The following RMDN2 variants were observed in gnomAD, a reference collection of about 807,000 sequenced individuals.
RMDN2 encodes the protein regulator of microtubule dynamics protein 2.
A neutral mutation model predicts 52.8 loss-of-function variants in RMDN2; 61 were observed. The observed-to-expected ratio is 1.16, with a 90% CI of 0.94 to 1.43. The LOEUF (loss-of-function observed/expected upper bound fraction) is 1.43. RMDN2 is among the 40% of genes most tolerant of loss of function. The pLI is 0.00. For synonymous variants in RMDN2, 180 were observed against 153.1 expected (o/e 1.18, Z -1.30); for missense variants, 592 against 475.3 (o/e 1.25, Z -2.28).
intron 2 of RMDN2, among the ~76,000 whole-genome samples, chr2:37,949,708 G>C (rs767099946): frequency 4.6e-5 from 7 of 152,074 alleles, no homozygotes; most frequent in Non-Finnish European, 8.8e-5. Flanking sequence ...GGGAGCAAAG[G>C]CTAGAGGCGG....
chr2:38,053,145 G>A (rs1204164346), intron 10 of RMDN2, among the ~76,000 whole-genome samples: 1 of 152,164 alleles, frequency 6.6e-6, no homozygotes, highest in Non-Finnish European at 1.5e-5. Flanking sequence ...AAGTAAGAGT[G>A]AGGGTGGTTG....
chr2:38,000,496 G>A (rs1295416913), intron 8 of RMDN2, among the ~76,000 whole-genome samples: 1 of 152,128 alleles, frequency 6.6e-6, no homozygotes, highest in Admixed American at 6.6e-5. Context: ...CCTCTTTGCT[G>A]TCAATTTCCC....
At chr2:37,935,246 G>C (rs1667187378) in intron 2 of RMDN2, among the ~76,000 whole-genome samples, 1 of 152,164 alleles carries the variant, frequency 6.6e-6, no homozygotes, top group Non-Finnish European at 1.5e-5. Flanking sequence ...AGATAATAGA[G>C]AATGATGATG....
intron 10 of RMDN2, among the ~76,000 whole-genome samples, chr2:38,043,730 A>G (rs1201340929): frequency 1.3e-5 from 2 of 152,118 alleles, no homozygotes; most frequent in Non-Finnish European, 2.9e-5. Flanking sequence ...CTTTCAAGTA[A>G]CACTGTATCA....
intron 6 of RMDN2, among the ~76,000 whole-genome samples, chr2:37,990,141 TGAAA>T (rs1350553270): frequency 2.7e-4 from 36 of 133,302 alleles, no homozygotes; most frequent in Admixed American, 3.7e-4. Context: ...AGACTCCGTC[TGAAA>T]AAAAAAAAAA....
chr2:37,984,241 A>G (rs988614174), intron 5 of RMDN2, among the ~76,000 whole-genome samples: 4 of 152,186 alleles, frequency 2.6e-5, no homozygotes, highest in African/African-American at 9.7e-5. Context: ...TTTTTGTTCT[A>G]CTGACAAAAA....
chr2:37,924,090 T>C (rs56043040), upstream of RMDN2, among the ~76,000 whole-genome samples: 27 of 152,284 alleles, frequency 1.8e-4, no homozygotes, highest in Non-Finnish European at 2.9e-4. Context: ...CAGGCTTACT[T>C]ATTCTTCAAT....
intron 5 of RMDN2, 37 bp downstream of exon 5, chr2:37,981,380 A>G (rs1436861369): frequency 7.6e-7 from 1 of 1,308,636 alleles, no homozygotes; most frequent in Admixed American, 1.8e-5. Context: ...TTTAAATTCT[A>G]ACCTGCCTCT....
chr2:38,026,342 A>G (rs545883514), intron 10 of RMDN2, among the ~76,000 whole-genome samples: 2 of 151,946 alleles, frequency 1.3e-5, no homozygotes, highest in South Asian at 2.1e-4. Context: ...TGTTTTCCCT[A>G]TTTCCTGTTT....
In RMDN2 at chr2:37,997,399, T is replaced by G. The variant is rs758218222; in HGVS notation, c.946-17T>G. The G allele has an allele frequency of 2.0e-6, 3 of 1,532,352 alleles. No homozygotes were observed. Among genetic ancestry groups the G allele is most frequent in the Non-Finnish European group, 2.7e-6 (3 of 1,110,314 alleles). 94.9% of individuals were successfully genotyped at this position (1,532,352 alleles called of 1,614,324 possible). On this transcript the variant is annotated splice_polypyrimidine_tract_variant and intron_variant, in intron 7 of 10. Coordinates refer to ENST00000354545, the MANE Select transcript of RMDN2 (RefSeq NM_001170791.3). The stretch of plus-strand genomic sequence containing the variant: ...GGTGAACAACTTTCTAAGAGTGATG[T>G]TGTTGTGTATTTGCAGGTCTCAAAA...
chr2:38,019,424 C>T (rs956734509), downstream of RMDN2, among the ~76,000 whole-genome samples: 3 of 152,152 alleles, frequency 2.0e-5, no homozygotes, highest in African/African-American at 7.2e-5. Context: ...AAGTTGATAT[C>T]CGTTGACTGG....
At chr2:37,981,148 T>G in intron 4 of RMDN2, 135 bp from the exon 5 acceptor site, 3 of 682,206 alleles carry the variant, frequency 4.4e-6, no homozygotes, top group South Asian at 3.1e-5. Context: ...GCTGAAAAGT[T>G]CTTAAACAAA....
At chr2:37,981,836 A>AC (rs1312937534) in intron 5 of RMDN2, among the ~76,000 whole-genome samples, 3 of 151,928 alleles carry the variant, frequency 2.0e-5, no homozygotes, top group Middle Eastern at 3.4e-3. Context: ...GCAAAAAAAA[A>AC]ATCATTCTTA....
intron 10 of RMDN2, among the ~76,000 whole-genome samples, chr2:38,006,373 T>C (rs1262044781): frequency 6.6e-6 from 1 of 152,230 alleles, no homozygotes; most frequent in Non-Finnish European, 1.5e-5. Context: ...TCCTCTTTTA[T>C]TTCATTGGAG....
intron 10 of RMDN2, among the ~76,000 whole-genome samples, chr2:38,049,955 T>C (rs1681488885): frequency 6.6e-6 from 1 of 152,226 alleles, no homozygotes; most frequent in African/African-American, 2.4e-5. Flanking sequence ...TATTGCTGCA[T>C]GCTTACTTTA....
At chr2:38,011,995 C>G (rs541165167) in intron 10 of RMDN2, among the ~76,000 whole-genome samples, 87 of 152,280 alleles carry the variant, frequency 5.7e-4, no homozygotes, top group African/African-American at 2.0e-3. Flanking sequence ...TGTCACTTCC[C>G]TGCTCAAAAC....
Position 37,984,481 on chromosome 2 carries a change from C to CATGA in RMDN2, c.791+3142_791+3145dup, listed in dbSNP as rs540528461. 3.9e-5 allele frequency among the ~76,000 whole-genome samples: 6 copies of CATGA among 152,230 alleles called. No homozygotes were observed. The South Asian group carries it at 1.2e-3, about 32-fold the overall frequency. On this transcript the variant is annotated intron_variant, in intron 5 of 10. Transcript: ENST00000354545. ...TACTGTGTGTATGTGTGCATGCACG[C>CATGA]ATGAATGTGTGTATTGATTAGTAAT...
intron 10 of RMDN2, among the ~76,000 whole-genome samples, chr2:38,045,999 A>T (rs2125294456): frequency 6.6e-6 from 1 of 152,328 alleles, no homozygotes; most frequent in South Asian, 2.1e-4. Context: ...ATTTATCAGG[A>T]TGACTCAGGG....
At position 37,964,418 on chromosome 2, in the gene RMDN2, C is replaced by A. The variant is rs6544121; in HGVS notation, c.453-9622C>A. Among the ~76,000 whole-genome samples the A allele has an allele frequency of 2.2e-4, 33 of 152,084 alleles. 1 individual carries two copies. In the South Asian group the frequency reaches 6.2e-3, roughly 29 times the overall value. ...TGACTCAAGATGTTTTCTTATTTGC[C>A]TTGTGATTGCATCTTTGGCCCATTG... is the stretch of plus-strand genomic sequence containing the variant. On this transcript the variant is annotated intron_variant, in intron 2 of 10. Transcript: ENST00000354545.
Sources: allele counts gnomAD v4.1 joint callset (sites outside exome capture counted in the v4.1 genomes callset), GRCh38; gene constraint gnomAD v4.1.1; transcripts MANE v1.5; gene names NCBI Gene and HGNC (gene_info 2026-07-23, HGNC 2026-07-21).